Variants in DMD observed in about 807,000 individuals in gnomAD.
DMD encodes the protein mutant dystrophin.
A neutral mutation model predicts 330.1 loss-of-function variants in DMD; 63 were observed. That is an observed-to-expected ratio of 0.19 (90% CI 0.16 to 0.24). The LOEUF (loss-of-function observed/expected upper bound fraction) is 0.24. DMD is among the 10% of genes least tolerant of loss of function. The pLI, the probability that DMD is intolerant of heterozygous loss-of-function variation, is 1.00. For synonymous variants in DMD, 1,223 were observed against 959.8 expected (o/e 1.27, Z -5.07); for missense variants, 3,344 against 2,684.1 (o/e 1.25, Z -5.43).
At chrX:32,585,770 G>A (rs1291759095) in intron 13 of DMD, among the ~76,000 whole-genome samples, 3 of 99,582 alleles carry the variant, frequency 3.0e-5, no homozygotes, top group Non-Finnish European at 6.0e-5. Context: ...TATTTCCCCT[G>A]TAATTTTGTA....
At chrX:32,389,770 A>T (rs527651615) in intron 31 of DMD, 96 bp from the exon 32 acceptor site, 2 of 855,797 alleles carry the variant, frequency 2.3e-6, no homozygotes, top group African/African-American at 4.0e-5. Flanking sequence ...ATTTCTGAAG[A>T]TATACAGAAA....
In DMD at chrX:32,545,261, G is replaced by A. The variant is rs2048861309; in HGVS notation, c.2066C>T (p.Thr689Ile). 8.3e-7 allele frequency: 1 copy of A among 1,208,467 alleles called. No homozygotes were observed. The highest frequency in any genetic ancestry group is 1.8e-5 in the South Asian group (1 of 56,813). The change falls in exon 17 of 79, where the codon ACC (threonine) becomes ATC (isoleucine). Residue 689 changes from threonine (T) to isoleucine (I), a missense_variant. Thr to Ile is a moderately conservative substitution (Grantham distance 89). Transcript: ENST00000357033. Reference sequence around the variant, plus strand: ...CTTTACCAGGATCTGTTCCCTTGTGGTCACCGTAGTTACTGTTTCCATTAC... The same window carrying A: ...CTTTACCAGGATCTGTTCCCTTGTGATCACCGTAGTTACTGTTTCCATTAC... ...TTVMETVTTV[T>I]TREQILVKHA...
chrX:32,858,697 G>GT (rs1332350379), intron 2 of DMD, among the ~76,000 whole-genome samples: 34 of 110,417 alleles, frequency 3.1e-4, no homozygotes, highest in African/African-American at 1.1e-3. Flanking sequence ...GGTCTGATGT[G>GT]GTTTTTTTTT....
chrX:31,508,397 A>G lies in DMD; in HGVS notation c.8218-944T>C, dbSNP rs921387244. On this transcript the variant is annotated intron_variant, in intron 55 of 78. Transcript: ENST00000357033. ...AGGCCTCACCAGTCAATAATAATAAACGGCCACTTTGTACTCCGCACTAAA... is the reference window on the plus strand; with the variant it reads ...AGGCCTCACCAGTCAATAATAATAAGCGGCCACTTTGTACTCCGCACTAAA... 1.3e-5 allele frequency: 7 copies of G among 518,882 alleles called. No homozygotes were observed. In the Admixed American group the frequency reaches 2.0e-4, roughly 15 times the overall value. The allele number at this position is 518,882 out of a possible 1,213,427, so 42.8% of individuals were successfully genotyped here.
chrX:33,233,569 C>T (rs972842940), intron 1 of DMD, among the ~76,000 whole-genome samples: 6 of 112,570 alleles, frequency 5.3e-5, no homozygotes, highest in African/African-American at 1.6e-4. Context: ...CCATACAATT[C>T]TATTTGCATA....
chrX:31,656,019 T>C (rs919370766), intron 54 of DMD, among the ~76,000 whole-genome samples: 1 of 112,062 alleles, frequency 8.9e-6, no homozygotes, highest in Admixed American at 9.5e-5. Flanking sequence ...AGGATCTACA[T>C]GTCTAAAACT....
At chrX:32,809,658 A>G in intron 6 of DMD, 47 bp from the exon 7 acceptor site, 1 of 1,051,546 alleles carries the variant, frequency 9.5e-7, no homozygotes, top group Middle Eastern at 2.5e-4. Context: ...AATATAAATC[A>G]ATCTAGAATG....
At chrX:32,669,195 A>G (rs1314616784) in intron 9 of DMD, among the ~76,000 whole-genome samples, 1 of 111,160 alleles carries the variant, frequency 9.0e-6, no homozygotes, top group Non-Finnish European at 1.9e-5. Flanking sequence ...CCAGTTTCCC[A>G]TAATCAGCCG....
intron 44 of DMD, among the ~76,000 whole-genome samples, chrX:32,159,135 A>G (rs755057407): frequency 1.2e-4 from 14 of 112,148 alleles, no homozygotes; most frequent in South Asian, 3.7e-4. Context: ...CATACTCCCA[A>G]TGAAATCCAA....
At chrX:33,339,367 C>T in exon 1 of DMD, 1 of 908,754 alleles carries the variant, frequency 1.1e-6, no homozygotes, top group Non-Finnish European at 1.5e-6. Context: ...TGTCATCTTC[C>T]TGAAAGCATT....
At chrX:32,167,481 C>T (rs1355111034) in intron 44 of DMD, among the ~76,000 whole-genome samples, 3 of 111,687 alleles carry the variant, frequency 2.7e-5, no homozygotes, top group Non-Finnish European at 5.6e-5. Context: ...AGACTACCCA[C>T]CAGGATTGTT....
intron 2 of DMD, among the ~76,000 whole-genome samples, chrX:32,977,106 A>G (rs1332641857): frequency 4.5e-5 from 5 of 111,017 alleles, no homozygotes; most frequent in Admixed American, 1.9e-4. Flanking sequence ...AGCCTGGCCA[A>G]CGTGGCAAAA....
intron 54 of DMD, among the ~76,000 whole-genome samples, chrX:31,638,469 A>G (rs1014143220): frequency 2.4e-4 from 27 of 112,047 alleles, no homozygotes; most frequent in African/African-American, 8.8e-4. Flanking sequence ...CTGGTCTATT[A>G]ATCGACATCC....
chrX:31,407,263 C>T (rs2148872272), intron 60 of DMD, among the ~76,000 whole-genome samples: 1 of 110,740 alleles, frequency 9.0e-6, no homozygotes, highest in East Asian at 2.8e-4. Context: ...CTCCTGGGTT[C>T]AAGCAATTCT....
At chrX:32,037,512 T>C (rs67748356) in intron 44 of DMD, among the ~76,000 whole-genome samples, 43,208 of 110,818 alleles carry the variant, frequency 0.39, 6,161 homozygotes, top group East Asian at 0.64. Flanking sequence ...AAAGATATAA[T>C]ACACTAAAAC....
rs1406917599 is a variant in DMD, at chrX:31,956,776, A to G, written c.6614+11563T>C. 2.7e-5 allele frequency among the ~76,000 whole-genome samples: 3 copies of G among 112,478 alleles called. No homozygotes were observed. The East Asian group carries it at 8.4e-4, about 31-fold the overall frequency. On this transcript the variant is annotated intron_variant, in intron 45 of 78. Transcript: ENST00000357033. ...TGTGTTTAAGTAACAGTGACTAACT[A>G]TGAAGAAGATTCAAATGGGAATAAT... is the stretch of plus-strand genomic sequence containing the variant.
At chrX:32,877,255 T>C (rs905485240) in intron 2 of DMD, among the ~76,000 whole-genome samples, 8 of 112,226 alleles carry the variant, frequency 7.1e-5, no homozygotes, top group Admixed American at 3.8e-4. Flanking sequence ...ATTTAAATGA[T>C]CCCTTGTCCA....
intron 60 of DMD, among the ~76,000 whole-genome samples, chrX:31,443,661 G>C (rs905286020): frequency 2.7e-5 from 3 of 109,791 alleles, no homozygotes; most frequent in Non-Finnish European, 3.8e-5. Flanking sequence ...TATTTATTAC[G>C]CAAACCTACG....
intron 63 of DMD, among the ~76,000 whole-genome samples, chrX:31,235,537 C>T (rs2047644588): frequency 1.8e-5 from 2 of 112,367 alleles, no homozygotes; most frequent in African/African-American, 6.5e-5. Context: ...ATGTTGTGTT[C>T]ACTTATCCTT....
Sources: allele counts gnomAD v4.1 joint callset (sites outside exome capture counted in the v4.1 genomes callset), GRCh38; gene constraint gnomAD v4.1.1; transcripts MANE v1.5; gene names NCBI Gene and HGNC (gene_info 2026-07-23, HGNC 2026-07-21).